The following NINJ2 variants were observed in gnomAD, a reference collection of about 807,000 sequenced individuals.
NINJ2 encodes the protein ninjurin-2.
A neutral mutation model predicts 11.7 loss-of-function variants in NINJ2; 12 were observed. The ratio of observed to expected loss-of-function variants is 1.02; its 90% CI spans 0.66 to 1.66. The LOEUF is 1.66. NINJ2 is among the 40% of genes most tolerant of loss of function. NINJ2 has a pLI of 0.00. For missense variants in NINJ2, 187 were observed against 181.8 expected (o/e 1.03, Z -0.16); for synonymous variants, 93 against 76.8 (o/e 1.21, Z -1.10).
At chr12:623,785 G>A (rs1948181804) in intron 1 of NINJ2, among the ~76,000 whole-genome samples, 1 of 152,226 alleles carries the variant, frequency 6.6e-6, no homozygotes, top group Non-Finnish European at 1.5e-5. Context: ...TGCAATCCCA[G>A]TACTCTGGGA....
intron 1 of NINJ2, among the ~76,000 whole-genome samples, chr12:569,091 CT>C (rs1317882868): frequency 6.6e-6 from 1 of 152,196 alleles, no homozygotes; most frequent in Non-Finnish European, 1.5e-5. Context: ...TCAGCTGGTG[CT>C]GGGGGCAGCC....
At chr12:636,014 T>A (rs368012016) in intron 1 of NINJ2, among the ~76,000 whole-genome samples, 17 of 151,772 alleles carry the variant, frequency 1.1e-4, no homozygotes, top group African/African-American at 4.1e-4. Context: ...GACGCAGAGG[T>A]TGCAGTGAGC....
At chr12:618,752 G>A (rs1214882126) in intron 1 of NINJ2, among the ~76,000 whole-genome samples, 1 of 152,146 alleles carries the variant, frequency 6.6e-6, no homozygotes. Context: ...GAGGCTCTTG[G>A]CCTCCCAGGG....
chr12:600,762 A>G (rs921175364), intron 1 of NINJ2, among the ~76,000 whole-genome samples: 1 of 150,130 alleles, frequency 6.7e-6, no homozygotes, highest in African/African-American at 2.5e-5. Context: ...GCTCACGGCA[A>G]CCTTGACCTC....
chr12:593,990 T>C (rs1368927189), intron 1 of NINJ2, among the ~76,000 whole-genome samples: 1 of 152,140 alleles, frequency 6.6e-6, no homozygotes, highest in Non-Finnish European at 1.5e-5. Context: ...ACATCACACT[T>C]AATGGTAAAA....
At chr12:615,945 C>T (rs995225614) in intron 1 of NINJ2, among the ~76,000 whole-genome samples, 6 of 152,154 alleles carry the variant, frequency 3.9e-5, no homozygotes, top group South Asian at 2.1e-4. Flanking sequence ...GGCACACTCT[C>T]GGAGAGCTAG....
Position 630,361 on chromosome 12 carries a change from TTTTTG to T in NINJ2, c.33+32962_33+32966del, listed in dbSNP as rs369527198. On this transcript the variant is annotated intron_variant, in intron 1 of 3. Coordinates refer to ENST00000305108, the MANE Select transcript of NINJ2 (RefSeq NM_016533.6). ...TTTTTTTTATTCTCTTTTTCTTGGT[TTTTTG>T]TTTTGTTTTGTTTTGTTTTGTTTTT... Among the ~76,000 whole-genome samples the T allele has an allele frequency of 5.5e-4, 84 of 151,946 alleles. 1 individual carries two copies. Among genetic ancestry groups the T allele is most frequent in the Middle Eastern group, 3.4e-3 (1 of 294 alleles).
intron 1 of NINJ2, among the ~76,000 whole-genome samples, chr12:611,309 T>TTCTC (rs199681450): frequency 4.0e-5 from 6 of 149,858 alleles, no homozygotes; most frequent in African/African-American, 1.5e-4. Flanking sequence ...CTTCCTTTCT[T>TTCTC]TCTCTCTCTC....
intron 1 of NINJ2, among the ~76,000 whole-genome samples, chr12:648,980 A>ATCTATCTATCTGTCTGTCTGTCTG (rs1555167419): frequency 5.6e-5 from 1 of 17,888 alleles, no homozygotes; most frequent in Non-Finnish European, 2.5e-4. Flanking sequence ...TCATCCACCT[A>ATCTATCTATCTGTCTGTCTGTCTG]TCTATCTATC....
intron 1 of NINJ2, among the ~76,000 whole-genome samples, chr12:608,431 A>G (rs1947967233): frequency 6.6e-6 from 1 of 152,252 alleles, no homozygotes; most frequent in African/African-American, 2.4e-5. Flanking sequence ...ATTTTAATTC[A>G]TCTACTTCTC....
intron 1 of NINJ2, among the ~76,000 whole-genome samples, chr12:622,843 C>T (rs1213537012): frequency 6.6e-6 from 1 of 151,728 alleles, no homozygotes; most frequent in Non-Finnish European, 1.5e-5. Flanking sequence ...GCAGGTTCAT[C>T]GCCTCCTGAG....
At chr12:600,731 G>A (rs1947856295) in intron 1 of NINJ2, among the ~76,000 whole-genome samples, 1 of 150,696 alleles carries the variant, frequency 6.6e-6, no homozygotes, top group Non-Finnish European at 1.5e-5. Context: ...TGCCCAGGCT[G>A]GAGTGCATGG....
At chr12:659,341 A>G (rs1285904437) in intron 1 of NINJ2, among the ~76,000 whole-genome samples, 1 of 152,162 alleles carries the variant, frequency 6.6e-6, no homozygotes, top group Non-Finnish European at 1.5e-5. Context: ...CAATAACTGG[A>G]TCTGCCTGGG....
chr12:660,404 G>T (rs1317560735), intron 1 of NINJ2, among the ~76,000 whole-genome samples: 1 of 144,828 alleles, frequency 6.9e-6, no homozygotes, highest in South Asian at 2.2e-4. Context: ...GCAGTGGCAC[G>T]ATCTCCGCTC....
chr12:605,729 T>C (rs1020951971), intron 1 of NINJ2, among the ~76,000 whole-genome samples: 7 of 152,102 alleles, frequency 4.6e-5, no homozygotes, highest in East Asian at 1.9e-4. Context: ...ATGAGGGGTT[T>C]TGGGGTTTGT....
chr12:663,214 G>T, intron 1 of NINJ2, 114 bp downstream of exon 1: 1 of 928,774 alleles, frequency 1.1e-6, no homozygotes, highest in Non-Finnish European at 1.7e-6. Context: ...AAGGGAGTGA[G>T]TAAGAAGAGA....
At chr12:568,670 C>T (rs952828120) in intron 1 of NINJ2, among the ~76,000 whole-genome samples, 4 of 152,248 alleles carry the variant, frequency 2.6e-5, no homozygotes, top group East Asian at 1.9e-4. Flanking sequence ...GGGCAGTTCC[C>T]TGCACCTGGG....
intron 1 of NINJ2, among the ~76,000 whole-genome samples, chr12:584,988 G>A (rs1309414861): frequency 6.6e-6 from 1 of 152,022 alleles, no homozygotes; most frequent in Non-Finnish European, 1.5e-5. Context: ...GCGTGGTGGC[G>A]GGCCCCTGTA....
chr12:623,685 A>G (rs879540400), intron 1 of NINJ2, among the ~76,000 whole-genome samples: 1 of 152,208 alleles, frequency 6.6e-6, no homozygotes, highest in Non-Finnish European at 1.5e-5. Flanking sequence ...CTGAGGTGCC[A>G]CAATTTGCAC....
Sources: gnomAD v4.1 joint callset for allele counts (sites outside exome capture counted in the v4.1 genomes callset) on GRCh38, gnomAD v4.1.1 for gene constraint, MANE v1.5 for transcripts, NCBI Gene and HGNC (gene_info 2026-07-23, HGNC 2026-07-21) for gene names.